ERC1: variants seen among roughly 807,000 people sequenced by gnomAD.
The protein encoded by ERC1 is ELKS/RAB6-interacting/CAST family member 1, also known as RAB6 interacting protein 2.
A neutral mutation model predicts 132.0 loss-of-function variants in ERC1; 56 were observed. That is an observed-to-expected ratio of 0.42 (90% CI 0.34 to 0.53). The LOEUF (loss-of-function observed/expected upper bound fraction) is 0.53. Among genes scored for constraint, ERC1 ranks in the 20% least tolerant of loss-of-function variants. The pLI is 0.03. For missense variants in ERC1, 1,202 were observed against 1,349.9 expected (o/e 0.89, Z 1.72); for synonymous variants, 478 against 476.1 (o/e 1.00, Z -0.05).
At chr12:1,209,418 T>G (rs1017646663) in intron 12 of ERC1, among the ~76,000 whole-genome samples, 9 of 144,776 alleles carry the variant, frequency 6.2e-5, no homozygotes, top group African/African-American at 2.3e-4. Context: ...TTTTTTTTTT[T>G]GCTCTAATTC....
At chr12:1,154,021 G>A (rs536309992) in intron 8 of ERC1, among the ~76,000 whole-genome samples, 8 of 151,976 alleles carry the variant, frequency 5.3e-5, no homozygotes, top group East Asian at 3.9e-4. Context: ...TCTAGTGTCC[G>A]TTATACCACT....
At chr12:1,373,540 G>A (rs2087498344) in intron 16 of ERC1, among the ~76,000 whole-genome samples, 1 of 152,336 alleles carries the variant, frequency 6.6e-6, no homozygotes, top group East Asian at 1.9e-4. Flanking sequence ...CCAGCACTTT[G>A]GGAGGCCAAG....
At chr12:1,239,690 C>T (rs1029322140) in intron 13 of ERC1, among the ~76,000 whole-genome samples, 2 of 151,988 alleles carry the variant, frequency 1.3e-5, no homozygotes, top group Non-Finnish European at 1.5e-5. Context: ...TATACTCCAG[C>T]GTATGTGACA....
chr12:1,305,593 A>G (rs1488198323), intron 15 of ERC1, among the ~76,000 whole-genome samples: 2 of 152,334 alleles, frequency 1.3e-5, no homozygotes, highest in East Asian at 3.9e-4. Context: ...GCTTTGGCTA[A>G]AGCTCAATAC....
intron 16 of ERC1, among the ~76,000 whole-genome samples, chr12:1,405,309 T>C (rs1179086384): frequency 6.6e-6 from 1 of 150,612 alleles, no homozygotes; most frequent in Non-Finnish European, 1.5e-5. Flanking sequence ...TTTTTTTCTA[T>C]CGTTATGTAC....
chr12:1,130,330 T>G (rs140430392), intron 7 of ERC1, among the ~76,000 whole-genome samples: 2 of 152,290 alleles, frequency 1.3e-5, no homozygotes, highest in East Asian at 3.9e-4. Context: ...GAATTCTCCC[T>G]TTCTGTGAGG....
At chr12:1,162,505 AGTTG>A (rs1184740203) in intron 8 of ERC1, among the ~76,000 whole-genome samples, 3 of 137,650 alleles carry the variant, frequency 2.2e-5, no homozygotes, top group Non-Finnish European at 4.7e-5. Context: ...TTTTTGTCCT[AGTTG>A]GTTCTTTAAG....
At chr12:1,231,033 T>C (rs1165192700) in intron 12 of ERC1, among the ~76,000 whole-genome samples, 1 of 152,202 alleles carries the variant, frequency 6.6e-6, no homozygotes, top group Non-Finnish European at 1.5e-5. Flanking sequence ...TATCTTTTGA[T>C]TGGAGAATTT....
At chr12:1,432,353 G>A (rs2092822197) in intron 17 of ERC1, among the ~76,000 whole-genome samples, 1 of 152,186 alleles carries the variant, frequency 6.6e-6, no homozygotes, top group Admixed American at 6.5e-5. Context: ...GCTGAATTTG[G>A]TTCATGGACT....
At chr12:1,310,927 A>G (rs73032723) in intron 15 of ERC1, among the ~76,000 whole-genome samples, 5,268 of 152,354 alleles carry the variant, frequency 0.035, 97 homozygotes, top group Middle Eastern at 0.075. Flanking sequence ...GACCTTCTGC[A>G]TAAGCAGCCA....
intron 13 of ERC1, among the ~76,000 whole-genome samples, chr12:1,257,478 C>CT (rs1159630818): frequency 6.6e-6 from 1 of 152,186 alleles, no homozygotes; most frequent in African/African-American, 2.4e-5. Context: ...CTACCATAGT[C>CT]TGATTTTTCC....
chr12:1,170,799 T>C (rs964702963), intron 8 of ERC1, among the ~76,000 whole-genome samples: 2 of 152,182 alleles, frequency 1.3e-5, no homozygotes, highest in Non-Finnish European at 2.9e-5. Context: ...CTTTCTTTCC[T>C]ACCAGCAATT....
intron 13 of ERC1, among the ~76,000 whole-genome samples, chr12:1,239,935 A>C (rs2075684487): frequency 6.6e-6 from 1 of 152,196 alleles, no homozygotes; most frequent in Non-Finnish European, 1.5e-5. Flanking sequence ...ATGAATTTGC[A>C]TTCTAATAAG....
intron 16 of ERC1, among the ~76,000 whole-genome samples, chr12:1,394,031 A>AAAC (rs2090249676): frequency 8.7e-6 from 1 of 114,998 alleles, no homozygotes; most frequent in Non-Finnish European, 1.8e-5. Context: ...AAAAAAAAAA[A>AAAC]AACAAAAAAA....
chr12:1,293,237 G>A (rs1438647636), intron 15 of ERC1, among the ~76,000 whole-genome samples: 2 of 150,162 alleles, frequency 1.3e-5, no homozygotes, highest in Admixed American at 6.6e-5. Context: ...GGCAGATCAC[G>A]AGGTCAGAAG....
At chr12:1,110,035 T>A (rs1214865129) in intron 4 of ERC1, among the ~76,000 whole-genome samples, 157 bp from the exon 5 acceptor site, 2 of 152,178 alleles carry the variant, frequency 1.3e-5, no homozygotes, top group Admixed American at 1.3e-4. Context: ...CGACAGACTC[T>A]GTCTCAAAAA....
intron 17 of ERC1, among the ~76,000 whole-genome samples, chr12:1,418,610 TC>T (rs2092258054): frequency 4.0e-5 from 4 of 99,540 alleles, no homozygotes; most frequent in South Asian, 2.9e-4. Flanking sequence ...TTTCTTTCTT[TC>T]TTTCTTTCTT....
chr12:1,028,882 T>C (rs1411077084), intron 2 of ERC1, among the ~76,000 whole-genome samples: 1 of 149,734 alleles, frequency 6.7e-6, no homozygotes, highest in Non-Finnish European at 1.5e-5. Context: ...CTTCTGAGAG[T>C]ATAATTTTGC....
chr12:1,391,700 G>A (rs1427202804), intron 16 of ERC1, among the ~76,000 whole-genome samples: 2 of 152,326 alleles, frequency 1.3e-5, no homozygotes, highest in Non-Finnish European at 2.9e-5. Context: ...TTACTGACAT[G>A]AGTGACAGTG....
Sources: allele counts gnomAD v4.1 joint callset (sites outside exome capture counted in the v4.1 genomes callset), GRCh38; gene constraint gnomAD v4.1.1; transcripts MANE v1.5; gene names NCBI Gene and HGNC (gene_info 2026-07-23, HGNC 2026-07-21).